The following NMT2 variants were observed in gnomAD, a reference collection of about 807,000 sequenced individuals.
NMT2 encodes N-myristoyltransferase 2.
A neutral mutation model predicts 65.4 loss-of-function variants in NMT2; 35 were observed. That is an observed-to-expected ratio of 0.54 (90% CI 0.41 to 0.71). The LOEUF is 0.71. Among genes scored for constraint, NMT2 ranks in the 30% least tolerant of loss-of-function variants. The probability of loss-of-function intolerance (pLI) is 0.00; values close to 1 mark genes in which losing one functional copy is unlikely to be tolerated. For synonymous variants in NMT2, 226 were observed against 231.8 expected (o/e 0.98, Z 0.23); for missense variants, 489 against 611.3 (o/e 0.80, Z 2.11).
intron 9 of NMT2, among the ~76,000 whole-genome samples, chr10:15,118,982 AAC>A (rs1384618069): frequency 2.0e-5 from 3 of 152,212 alleles, no homozygotes; most frequent in Non-Finnish European, 2.9e-5. Context: ...TGATTTTCAT[AAC>A]ACTAAGAAGT....
At chr10:15,163,986 T>A (rs1341012864) in intron 1 of NMT2, among the ~76,000 whole-genome samples, 7 of 152,022 alleles carry the variant, frequency 4.6e-5, no homozygotes, top group Non-Finnish European at 4.4e-5. Flanking sequence ...GAGACCATCC[T>A]GGCTAACATG....
intron 1 of NMT2, among the ~76,000 whole-genome samples, chr10:15,164,951 G>A (rs559267173): frequency 2.2e-4 from 34 of 152,258 alleles, no homozygotes; most frequent in Admixed American, 2.2e-3. Flanking sequence ...ATCACCTCAG[G>A]TCAGGAGTTT....
chr10:15,147,632 C>T (rs560205621), intron 1 of NMT2, among the ~76,000 whole-genome samples: 1 of 151,096 alleles, frequency 6.6e-6, no homozygotes, highest in Non-Finnish European at 1.5e-5. Context: ...CATCCCACAA[C>T]ATGAAAAAAA....
intron 9 of NMT2, among the ~76,000 whole-genome samples, chr10:15,113,463 C>CAAAAAAAAAAAAAAAAAAAAAAA (rs1169255963): frequency 2.7e-5 from 1 of 37,004 alleles, no homozygotes; most frequent in African/African-American, 9.2e-5. Context: ...GGATGAGACT[C>CAAAAAAAAAAAAAAAAAAAAAAA]AAAAAAAAAA....
rs1845311468 is a variant in NMT2 at position 15,106,616 on chromosome 10, C to T, written c.*2579G>A. On this transcript the variant is annotated 3_prime_UTR_variant, in exon 12 of 12. Transcript: ENST00000378165. ...GGTGGTAGTCTCAGGGATGTCACAG[C>T]TGTGGGTTGGTCTTTAGAATCACGG... 7 of 985,094 alleles carry T rather than the reference C, an allele frequency of 7.1e-6. No homozygotes were observed. The highest frequency in any genetic ancestry group is 8.4e-6 in the Non-Finnish European group (7 of 829,630). The allele number at this position is 985,094 out of a possible 1,614,324, so 61.0% of individuals were successfully genotyped here.
At chr10:15,162,741 T>C (rs1250895058) in intron 1 of NMT2, among the ~76,000 whole-genome samples, 3 of 148,736 alleles carry the variant, frequency 2.0e-5, no homozygotes, top group Admixed American at 1.4e-4. Context: ...ATATACCTTA[T>C]TGTTTGATAT....
intron 9 of NMT2, among the ~76,000 whole-genome samples, chr10:15,118,180 C>A (rs1214853443): frequency 2.6e-5 from 4 of 152,076 alleles, no homozygotes; most frequent in African/African-American, 9.7e-5. Flanking sequence ...TGGAGATCAA[C>A]GAAATAGAAT....
intron 1 of NMT2, chr10:15,155,348 G>C: frequency 1.1e-6 from 1 of 922,046 alleles, no homozygotes; most frequent in East Asian, 2.5e-5. Flanking sequence ...TCCTGGTGGC[G>C]GTGGCGTCTG....
At position 15,112,890 on chromosome 10, in the gene NMT2, T is replaced by A. The variant is rs1290710068; in HGVS notation, c.1244A>T (p.His415Leu). 2 of 1,613,978 alleles carry A rather than the reference T, an allele frequency of 1.2e-6. No homozygotes were observed. Among genetic ancestry groups the A allele is most frequent in the African/African-American group, 2.7e-5 (2 of 74,898 alleles). ...TGAGTAGGCGGCTTTGAGGCTCTTG[T>A]GAGCAGGGTGGTGCATCACCGTGGA... The part of the protein sequence containing the change: ...LPSTVMHHPA[H>L]KSLKAAYSFY... Residue 415 changes from histidine (H) to leucine (L), a missense_variant, in exon 10 of 12, where the codon CAC becomes CTC. By Grantham distance (99) the His-to-Leu change is moderately conservative. Coordinates refer to ENST00000378165, the MANE Select transcript of NMT2 (RefSeq NM_004808.3).
At chr10:15,149,817 CAGGA>C (rs776465234) in intron 1 of NMT2, among the ~76,000 whole-genome samples, 9,382 of 152,208 alleles carry the variant, frequency 0.062, 447 homozygotes, top group African/African-American at 0.14. Flanking sequence ...ATGGCAGAAT[CAGGA>C]CTTGAATCCA....
rs368318908 is a variant in NMT2, at chr10:15,139,134, A to T, written c.246+2288T>A. Reference sequence around the variant, plus strand: ...TACTGGATGCTTCCTGCCCTCGAACATCAGGCTCCAAGTTCTTCAGTTTTG... The same window carrying T: ...TACTGGATGCTTCCTGCCCTCGAACTTCAGGCTCCAAGTTCTTCAGTTTTG... On this transcript the variant is annotated intron_variant, in intron 2 of 11. Transcript: ENST00000378165. Among the ~76,000 whole-genome samples, 4 of 152,256 alleles carry T rather than the reference A, an allele frequency of 2.6e-5. No individual in the cohort carries two copies. In the East Asian group the frequency reaches 5.8e-4, roughly 22 times the overall value.
chr10:15,166,046 T>C (rs764156839), intron 1 of NMT2, among the ~76,000 whole-genome samples: 2 of 152,170 alleles, frequency 1.3e-5, no homozygotes, highest in African/African-American at 4.8e-5. Context: ...TTTTAGTCCA[T>C]GAAGAAAATT....
intron 3 of NMT2, among the ~76,000 whole-genome samples, chr10:15,133,717 G>A (rs1297511115): frequency 1.3e-5 from 2 of 152,162 alleles, no homozygotes; most frequent in African/African-American, 4.8e-5. Flanking sequence ...CTCCCAGGTA[G>A]CTGGGACTAG....
intron 8 of NMT2, among the ~76,000 whole-genome samples, chr10:15,126,428 T>TA (rs542212016): frequency 0.19 from 25,311 of 130,444 alleles, 2,288 homozygotes; most frequent in Middle Eastern, 0.32. Flanking sequence ...GCCTCCATCT[T>TA]AAAAAAAAAA....
chr10:15,138,352 T>G (rs759595931), intron 2 of NMT2: 9 of 470,904 alleles, frequency 1.9e-5, no homozygotes, highest in African/African-American at 1.4e-4. Flanking sequence ...ATAAACACAA[T>G]TTCCAAATCC....
chr10:15,155,357 T>C, intron 1 of NMT2: 1 of 831,172 alleles, frequency 1.2e-6, no homozygotes, highest in Non-Finnish European at 2.0e-6. Context: ...CGGTGGCGTC[T>C]GCAAAGCCTT....
intron 3 of NMT2, among the ~76,000 whole-genome samples, chr10:15,134,199 G>A (rs1279075145): frequency 1.3e-5 from 2 of 152,178 alleles, no homozygotes; most frequent in Admixed American, 6.5e-5. Flanking sequence ...AATTTCTAGT[G>A]ATTTCCACCA....
At chr10:15,157,354 T>C (rs952297144) in intron 1 of NMT2, among the ~76,000 whole-genome samples, 1 of 152,100 alleles carries the variant, frequency 6.6e-6, no homozygotes, top group Non-Finnish European at 1.5e-5. Context: ...AGAGCCACCA[T>C]CCAGGGCAGA....
At chr10:15,161,311 A>C (rs7902390) in intron 1 of NMT2, among the ~76,000 whole-genome samples, 12,771 of 152,000 alleles carry the variant, frequency 0.084, 1,410 homozygotes, top group African/African-American at 0.26. Context: ...AAATCATGTG[A>C]GAATGCTGTT....
Sources: allele counts gnomAD v4.1 joint callset (sites outside exome capture counted in the v4.1 genomes callset), GRCh38; gene constraint gnomAD v4.1.1; transcripts MANE v1.5; gene names NCBI Gene and HGNC (gene_info 2026-07-23, HGNC 2026-07-21).